Variants in NAV3 observed in about 807,000 individuals in gnomAD.
NAV3 encodes neuron navigator 3, also known as pore membrane and/or filament interacting like protein 1.
NAV3 carries 87 observed loss-of-function variants against 244.7 expected under a neutral mutation model. The ratio of observed to expected loss-of-function variants is 0.36; its 90% confidence interval spans 0.30 to 0.42. The LOEUF (loss-of-function observed/expected upper bound fraction) is 0.42, where lower values mean the gene tolerates loss of function less well. NAV3 is among the 20% of genes least tolerant of loss of function. NAV3 has a pLI of 1.00. For synonymous variants in NAV3, 1,126 were observed against 1,042.2 expected, an observed-to-expected ratio of 1.08 and a Z score of -1.55; for missense variants, 2,663 against 2,893.3, an observed-to-expected ratio of 0.92 and a Z score of 1.83.
chr12:77,580,398 G>A (rs56193056), intron 2 of NAV3, among the ~76,000 whole-genome samples: 9,107 of 152,208 alleles, frequency 0.06, 360 homozygotes, highest in Non-Finnish European at 0.09. Flanking sequence ...CCATGACACC[G>A]TCTGCTGGTT....
At chr12:77,966,621 T>C (rs1215271058) in intron 4 of NAV3, among the ~76,000 whole-genome samples, 1 of 152,150 alleles carries the variant, frequency 6.6e-6, no homozygotes, top group East Asian at 1.9e-4. Context: ...GATAATTAGA[T>C]AAATGTTGGA....
intron 1 of NAV3, among the ~76,000 whole-genome samples, chr12:77,877,630 G>A (rs1384190206): frequency 6.6e-6 from 1 of 152,054 alleles, no homozygotes; most frequent in East Asian, 1.9e-4. Context: ...TAAATAAATG[G>A]GGATAATAGA....
At chr12:77,868,234 A>G (rs1287589183) in intron 1 of NAV3, among the ~76,000 whole-genome samples, 8 of 151,978 alleles carry the variant, frequency 5.3e-5, no homozygotes, top group Non-Finnish European at 1.2e-4. Flanking sequence ...AACAACAACA[A>G]CAACAACAAA....
intron 23 of NAV3, among the ~76,000 whole-genome samples, chr12:78,160,378 A>AGTGTGTGTGTGTGTGTGTGTGTGT (rs10628612): frequency 2.2e-5 from 3 of 134,024 alleles, no homozygotes; most frequent in Non-Finnish European, 3.2e-5. Context: ...AATTCTATGG[A>AGTGTGTGTGTGTGTGTGTGTGTGT]GTGTGTGTGT....
intron 1 of NAV3, among the ~76,000 whole-genome samples, chr12:77,883,722 AAG>A (rs1418188098): frequency 2.0e-5 from 3 of 152,138 alleles, no homozygotes; most frequent in Non-Finnish European, 4.4e-5. Flanking sequence ...TTTCATGATA[AAG>A]AGAGTTTTTT....
At chr12:77,787,210 T>C (rs1470834368) in intron 2 of NAV3, among the ~76,000 whole-genome samples, 1 of 152,174 alleles carries the variant, frequency 6.6e-6, no homozygotes, top group Non-Finnish European at 1.5e-5. Context: ...CATATTTTAC[T>C]GGTATTGCAT....
chr12:77,624,128 C>T (rs11831599), intron 2 of NAV3, among the ~76,000 whole-genome samples: 18,177 of 151,892 alleles, frequency 0.12, 2,011 homozygotes, highest in African/African-American at 0.29. Flanking sequence ...TTACAGAATA[C>T]GTTATTTTAG....
intron 2 of NAV3, among the ~76,000 whole-genome samples, chr12:77,643,675 A>G (rs1422305454): frequency 6.6e-6 from 1 of 151,832 alleles, no homozygotes; most frequent in Non-Finnish European, 1.5e-5. Context: ...TTTTTATCCT[A>G]TTTACATTTA....
chr12:78,124,718 T>C (rs970737245), intron 16 of NAV3, among the ~76,000 whole-genome samples: 4 of 152,086 alleles, frequency 2.6e-5, no homozygotes, highest in Non-Finnish European at 5.9e-5. Context: ...CCTCCCAAAG[T>C]GTGGGGATTA....
At chr12:77,698,251 T>G (rs565207457) in intron 2 of NAV3, among the ~76,000 whole-genome samples, 100 of 152,302 alleles carry the variant, frequency 6.6e-4, no homozygotes, top group Non-Finnish European at 6.3e-4. Context: ...CGTTAATATC[T>G]TGGCTAGCTT....
intron 2 of NAV3, among the ~76,000 whole-genome samples, chr12:77,703,547 C>T (rs1255406649): frequency 2.6e-5 from 4 of 152,044 alleles, no homozygotes; most frequent in East Asian, 1.9e-4. Context: ...TCTAGGAATA[C>T]GCTTACTGAG....
chr12:77,869,445 A>G (rs1262368091), intron 1 of NAV3, among the ~76,000 whole-genome samples: 3 of 152,220 alleles, frequency 2.0e-5, no homozygotes, highest in Non-Finnish European at 4.4e-5. Flanking sequence ...TGCGCATAAT[A>G]TATCATTAAG....
chr12:77,769,305 C>T (rs936819856), intron 2 of NAV3, among the ~76,000 whole-genome samples: 1 of 152,134 alleles, frequency 6.6e-6, no homozygotes, highest in Non-Finnish European at 1.5e-5. Context: ...GACTTCCAAC[C>T]TTTCAAATAT....
chr12:77,742,777 C>T (rs1260709299), intron 2 of NAV3, among the ~76,000 whole-genome samples: 1 of 151,862 alleles, frequency 6.6e-6, no homozygotes, highest in Non-Finnish European at 1.5e-5. Context: ...TTGTAGTTAC[C>T]TTCTGTTGCT....
At chr12:78,109,886 A>G (rs1447707699) in intron 12 of NAV3, among the ~76,000 whole-genome samples, 2 of 152,080 alleles carry the variant, frequency 1.3e-5, no homozygotes, top group East Asian at 3.9e-4. Context: ...GAACTGGAAC[A>G]AGACAAGGAT....
chr12:78,049,280 C>A lies in NAV3; in HGVS notation c.2024-713C>A, dbSNP rs1882365337. ...CTACTGGGGTATGAAAAAAAAAACT[C>A]CTGCAGCTAGCTTGGTGTCTGCCCA... On this transcript the variant is annotated intron_variant, in intron 9 of 39. Coordinates refer to ENST00000397909, the MANE Select transcript of NAV3 (RefSeq NM_001024383.2). 2.0e-5 allele frequency among the ~76,000 whole-genome samples: 3 copies of A among 152,122 alleles called. No homozygotes were observed. The South Asian group carries it at 6.2e-4, about 32-fold the overall frequency.
chr12:77,859,343 G>A (rs1878857658), intron 1 of NAV3, among the ~76,000 whole-genome samples: 1 of 152,022 alleles, frequency 6.6e-6, no homozygotes, highest in Non-Finnish European at 1.5e-5. Context: ...ACGTGTTTCA[G>A]AAACAATCTA....
At chr12:77,815,442 T>C (rs988473776) in intron 2 of NAV3, among the ~76,000 whole-genome samples, 1 of 152,198 alleles carries the variant, frequency 6.6e-6, no homozygotes, top group Admixed American at 6.5e-5. Context: ...ATATAGATTT[T>C]CAGGAGCACA....
At chr12:77,965,274 G>T (rs1232718754) in intron 3 of NAV3, among the ~76,000 whole-genome samples, 4 of 151,138 alleles carry the variant, frequency 2.6e-5, no homozygotes, top group African/African-American at 9.7e-5. Context: ...TTATTTTTTT[G>T]CTTTTCACCC....
Sources: gnomAD v4.1 joint callset for allele counts (sites outside exome capture counted in the v4.1 genomes callset) on GRCh38, gnomAD v4.1.1 for gene constraint, MANE v1.5 for transcripts, NCBI Gene and HGNC (gene_info 2026-07-23, HGNC 2026-07-21) for gene names.